DPP6: variants seen among roughly 807,000 people sequenced by gnomAD.
DPP6 encodes A-type potassium channel modulatory protein DPP6.
In DPP6, 69 loss-of-function variants were observed where a neutral mutation model predicts 122.6. The ratio of observed to expected loss-of-function variants is 0.56; its 90% confidence interval spans 0.46 to 0.69. DPP6 has a LOEUF of 0.69. Among genes scored for constraint, DPP6 ranks in the 30% least tolerant of loss-of-function variants. DPP6 has a pLI of 0.00. For missense variants in DPP6, 928 were observed against 1,116.9 expected (o/e 0.83, Z 2.41); for synonymous variants, 418 against 433.1 (o/e 0.97, Z 0.43).
chr7:154,736,040 G>T (rs555156527), intron 8 of DPP6, among the ~76,000 whole-genome samples: 77 of 152,328 alleles, frequency 5.1e-4, no homozygotes, highest in African/African-American at 1.8e-3. Context: ...TAGGTCACCA[G>T]GAAACACCAG....
intron 8 of DPP6, among the ~76,000 whole-genome samples, chr7:154,744,237 C>T (rs1277531828): frequency 3.3e-5 from 5 of 152,180 alleles, no homozygotes; most frequent in African/African-American, 4.8e-5. Context: ...ACACCCGCCC[C>T]CCAGTATAGA....
intron 1 of DPP6, among the ~76,000 whole-genome samples, chr7:154,205,286 A>G (rs1478969851): frequency 6.6e-6 from 1 of 152,198 alleles, no homozygotes; most frequent in African/African-American, 2.4e-5. Flanking sequence ...TAGTCATGAT[A>G]CAGGACATTT....
chr7:154,533,273 C>A (rs759680550), intron 3 of DPP6, among the ~76,000 whole-genome samples: 1 of 152,094 alleles, frequency 6.6e-6, no homozygotes, highest in Non-Finnish European at 1.5e-5. Flanking sequence ...AGCCATGAGA[C>A]CCTGATGGTG....
intron 1 of DPP6, among the ~76,000 whole-genome samples, chr7:154,398,151 G>C (rs1282475908): frequency 6.6e-6 from 1 of 152,142 alleles, no homozygotes; most frequent in East Asian, 1.9e-4. Context: ...TATTGAGACA[G>C]TATATTGAGC....
intron 10 of DPP6, 96 bp from the exon 11 acceptor site, chr7:154,793,983 C>A: frequency 6.7e-7 from 1 of 1,492,740 alleles, no homozygotes; most frequent in South Asian, 1.4e-5. Flanking sequence ...CGGCCCCCGG[C>A]TCCCGTGTCG....
Position 154,790,454 on chromosome 7 carries a change from T to C in DPP6, c.1137-3625T>C, listed in dbSNP as rs778295560. Among the ~76,000 whole-genome samples the C allele has an allele frequency of 1.8e-4, 27 of 152,318 alleles. 1 individual carries two copies. Among genetic ancestry groups the C allele is most frequent in the South Asian group, 4.1e-4 (2 of 4,822 alleles). Reference sequence around the variant, plus strand: ...GGTGGAGCCCTTATGGATGCATGTATGTAAAAAGAAATCTTATTATATAAT... The same window carrying C: ...GGTGGAGCCCTTATGGATGCATGTACGTAAAAAGAAATCTTATTATATAAT... On this transcript the variant is annotated intron_variant, in intron 10 of 25. Transcript: ENST00000377770.
intron 3 of DPP6, among the ~76,000 whole-genome samples, chr7:154,477,617 G>A (rs1390231918): frequency 1.3e-5 from 2 of 152,268 alleles, no homozygotes; most frequent in African/African-American, 4.8e-5. Flanking sequence ...GGTATAAGGA[G>A]TTTGATTTTT....
chr7:154,781,293 T>C (rs1379761293), intron 10 of DPP6, among the ~76,000 whole-genome samples: 1 of 152,178 alleles, frequency 6.6e-6, no homozygotes, highest in Non-Finnish European at 1.5e-5. Context: ...CCACCACTCC[T>C]ATTCACTGGG....
chr7:153,857,902 C>G, the DPP6 span, among the ~76,000 whole-genome samples: 2 of 152,150 alleles, frequency 1.3e-5, no homozygotes, highest in South Asian at 2.1e-4. Flanking sequence ...AAATGAAGAA[C>G]AGGTTGAAGA....
At chr7:154,579,213 G>A (rs1406611047) in intron 5 of DPP6, among the ~76,000 whole-genome samples, 1 of 152,164 alleles carries the variant, frequency 6.6e-6, no homozygotes, top group East Asian at 1.9e-4. Context: ...GCCAGGCATG[G>A]TGGTGGGCGC....
intron 5 of DPP6, among the ~76,000 whole-genome samples, chr7:154,608,109 A>C (rs1462773568): frequency 1.4e-5 from 2 of 147,106 alleles, no homozygotes; most frequent in African/African-American, 5.0e-5. Flanking sequence ...CCTCCCAAGT[A>C]GCTGGGATTA....
At chr7:154,452,291 G>A (rs1401134506) in intron 2 of DPP6, among the ~76,000 whole-genome samples, 1 of 152,242 alleles carries the variant, frequency 6.6e-6, no homozygotes. Flanking sequence ...AAGGCAGGGT[G>A]TGGTGGAGGC....
chr7:153,871,250 T>G, the DPP6 span, among the ~76,000 whole-genome samples: 5,571 of 152,296 alleles, frequency 0.037, 153 homozygotes, highest in Middle Eastern at 0.068. Context: ...CCCCCAGAGG[T>G]GGAGCCTGTA....
At chr7:154,127,109 C>G (rs1253358655) in intron 1 of DPP6, among the ~76,000 whole-genome samples, 1 of 152,166 alleles carries the variant, frequency 6.6e-6, no homozygotes, top group Non-Finnish European at 1.5e-5. Flanking sequence ...AAAGTATTCT[C>G]TGTTGCTGAA....
chr7:154,147,357 C>CA (rs1482919343), intron 1 of DPP6, among the ~76,000 whole-genome samples: 6 of 152,138 alleles, frequency 3.9e-5, no homozygotes, highest in African/African-American at 1.4e-4. Context: ...AGAATAAAGG[C>CA]AAAAGTCTCA....
At chr7:154,504,135 A>C (rs1210093251) in intron 3 of DPP6, among the ~76,000 whole-genome samples, 2 of 152,192 alleles carry the variant, frequency 1.3e-5, no homozygotes, top group Non-Finnish European at 2.9e-5. Context: ...TAGTGTTTAG[A>C]GCATTTTATG....
Position 153,896,977 on chromosome 7 carries a change from C to T in DPP6, c.51+9243C>T, listed in dbSNP as rs370582634. ...TTTTGTTATTTTTCTTCCTATGACT[C>T]TGTAAATTGTGCATCTATTTTTTTA... On this transcript the variant is annotated intron_variant, in intron 1 of 25. Coordinates refer to the DPP6 transcript ENST00000404039. Among the ~76,000 whole-genome samples, 23 of 152,200 alleles carry T rather than the reference C, an allele frequency of 1.5e-4. No homozygotes were observed. The East Asian group carries it at 1.9e-3, about 13-fold the overall frequency.
At chr7:154,376,655 C>T (rs1324754294) in intron 1 of DPP6, among the ~76,000 whole-genome samples, 1 of 152,186 alleles carries the variant, frequency 6.6e-6, no homozygotes, top group Admixed American at 6.5e-5. Context: ...GGTTAATTGA[C>T]TTGCAATGGT....
chr7:154,892,865 C>T lies in DPP6; in HGVS notation c.*385C>T, dbSNP rs377335620. On this transcript the variant is annotated 3_prime_UTR_variant, in exon 26 of 26. Coordinates refer to ENST00000377770, the MANE Select transcript of DPP6 (RefSeq NM_130797.4). ...AAGCATGAGACCCGCCCACACTAGC[C>T]TCTGTGTTCCCGTTAGGGACATCAC... 40 of 535,916 alleles carry T rather than the reference C, an allele frequency of 7.5e-5. No individual in the cohort carries two copies. Among genetic ancestry groups the T allele is most frequent in the African/African-American group, 6.3e-4 (33 of 52,788 alleles). The allele number at this position is 535,916 out of a possible 1,614,324, so 33.2% of individuals were successfully genotyped here. A position where few individuals can be genotyped will look rare whatever the true frequency, so the allele number is the denominator to read the frequency against.
Sources: allele counts gnomAD v4.1 joint callset (sites outside exome capture counted in the v4.1 genomes callset), GRCh38; gene constraint gnomAD v4.1.1; transcripts MANE v1.5; gene names NCBI Gene and HGNC (gene_info 2026-07-23, HGNC 2026-07-21).